The following ANKRD11 variants were observed in gnomAD, a reference collection of about 807,000 sequenced individuals.
ANKRD11 encodes ankyrin repeat domain-containing protein 11.
In ANKRD11, 17 loss-of-function variants were observed where a neutral mutation model predicts 195.7. The ratio of observed to expected loss-of-function variants is 0.09; its 90% CI spans 0.06 to 0.13. The LOEUF (loss-of-function observed/expected upper bound fraction) is 0.13, where lower values mean the gene tolerates loss of function less well. Among genes scored for constraint, ANKRD11 ranks in the 10% least tolerant of loss-of-function variants. The pLI is 1.00. For synonymous variants in ANKRD11, 1,953 were observed against 1,528.1 expected (o/e 1.28, Z -6.49); for missense variants, 3,735 against 3,566.1 (o/e 1.05, Z -1.21).
rs149420132 is a variant in ANKRD11, at chr16:89,281,553, G to A, written c.4989C>T (p.Ala1663=). 3.5e-5 allele frequency: 57 copies of A among 1,614,036 alleles called. No homozygotes were observed. Among genetic ancestry groups the A allele is most frequent in the Admixed American group, 1.7e-4 (10 of 59,994 alleles). The change falls in exon 9 of 13, where the codon GCC becomes GCT. Residue 1663 remains alanine (A), a synonymous_variant. Coordinates refer to ENST00000301030, the MANE Select transcript of ANKRD11 (RefSeq NM_013275.6). The surrounding 1 kb of genome is among the most constrained non-coding windows in gnomAD (Gnocchi z 5.5). The part of the protein sequence containing the change: ...KLKESTPIPP[A]AENKLHPASG... ...ATGCTGGGTGTAGCTTATTTTCCGC[G>A]GCAGGTGGAATAGGAGTCGACTCTT...
Position 89,280,601 on chromosome 16 carries a change from G to T in ANKRD11, c.5941C>A (p.Leu1981Met). The T allele has an allele frequency of 6.2e-7, 1 of 1,613,516 alleles. No homozygotes were observed. Among genetic ancestry groups the T allele is most frequent in the Non-Finnish European group, 8.5e-7 (1 of 1,179,940 alleles). Reference protein sequence around the residue: ...VSWPVGSDLLLKSPQRFPESP... With the variant: ...VSWPVGSDLLMKSPQRFPESP... The stretch of plus-strand genomic sequence containing the variant: ...TCGGGGAATCTCTGTGGAGACTTCA[G>T]CAGGAGGTCCGAGCCCACAGGCCAG... The change falls in exon 9 of 13, where the codon CTG becomes ATG. Residue 1981 changes from leucine (L) to methionine (M), a missense_variant. Coordinates refer to ENST00000301030, the MANE Select transcript of ANKRD11 (RefSeq NM_013275.6).
intron 1 of ANKRD11, among the ~76,000 whole-genome samples, chr16:89,422,906 C>T (rs2042572122): frequency 6.6e-6 from 1 of 152,118 alleles, no homozygotes; most frequent in Non-Finnish European, 1.5e-5. Context: ...TATCAAAGCA[C>T]ATCAATAATC....
At chr16:89,340,342 A>T (rs1322987276) in intron 2 of ANKRD11, among the ~76,000 whole-genome samples, 1 of 152,246 alleles carries the variant, frequency 6.6e-6, no homozygotes, top group East Asian at 1.9e-4. Context: ...CAGTGGCACC[A>T]TCTCGGCTCA....
At chr16:89,382,122 A>G (rs2040684829) in intron 2 of ANKRD11, among the ~76,000 whole-genome samples, 1 of 152,128 alleles carries the variant, frequency 6.6e-6, no homozygotes, top group Non-Finnish European at 1.5e-5. Context: ...GCGGCCTCCC[A>G]GCAGCTGGGC....
chr16:89,440,524 G>C (rs771739481), intron 1 of ANKRD11, among the ~76,000 whole-genome samples: 2 of 152,220 alleles, frequency 1.3e-5, no homozygotes, highest in Non-Finnish European at 2.9e-5. Flanking sequence ...GCTGAGGTGG[G>C]AGAATTGCTT....
At chr16:89,408,662 C>T (rs1346837928) in intron 2 of ANKRD11, among the ~76,000 whole-genome samples, 1 of 152,164 alleles carries the variant, frequency 6.6e-6, no homozygotes, top group Non-Finnish European at 1.5e-5. Flanking sequence ...CCTCGCACCC[C>T]CTGCCACCCT....
chr16:89,477,224 A>G (rs1229111868), intron 1 of ANKRD11, among the ~76,000 whole-genome samples: 4 of 147,290 alleles, frequency 2.7e-5, no homozygotes, highest in Non-Finnish European at 6.0e-5. Context: ...ACAGAGTCTC[A>G]CTCTGGTGCC....
At chr16:89,489,279 T>A (rs915025470) in intron 1 of ANKRD11, 1 of 151,694 alleles carries the variant, frequency 6.6e-6, no homozygotes, top group South Asian at 2.1e-4. Flanking sequence ...GCTACCGCCC[T>A]GCCAGGGGAT....
intron 1 of ANKRD11, among the ~76,000 whole-genome samples, chr16:89,425,913 C>T (rs1386027399): frequency 6.6e-6 from 1 of 152,106 alleles, no homozygotes; most frequent in East Asian, 1.9e-4. Context: ...AATGAATGTT[C>T]CCAAACAATT....
intron 1 of ANKRD11, among the ~76,000 whole-genome samples, chr16:89,484,506 T>C (rs975426005): frequency 1.3e-5 from 2 of 152,190 alleles, no homozygotes; most frequent in South Asian, 2.1e-4. Flanking sequence ...AATCTTCCCT[T>C]TACTTGGAAA....
chr16:89,324,268 C>G, intron 2 of ANKRD11: 3 of 1,240,976 alleles, frequency 2.4e-6, no homozygotes, highest in South Asian at 1.4e-5. Context: ...GTGGAACATA[C>G]AGGAGCCCCG....
intron 1 of ANKRD11, among the ~76,000 whole-genome samples, chr16:89,432,505 T>A (rs559343834): frequency 6.6e-6 from 1 of 152,176 alleles, no homozygotes; most frequent in Non-Finnish European, 1.5e-5. Flanking sequence ...TCCCTCTCCA[T>A]CTTCCTAGAA....
At chr16:89,336,781 G>T (rs1410369937) in intron 2 of ANKRD11, among the ~76,000 whole-genome samples, 1 of 152,116 alleles carries the variant, frequency 6.6e-6, no homozygotes, top group African/African-American at 2.4e-5. Flanking sequence ...TGATAAAAGG[G>T]TTTCAATACA....
At chr16:89,328,919 C>A (rs2037896304) in intron 2 of ANKRD11, 1 of 129,832 alleles carries the variant, frequency 7.7e-6, no homozygotes, top group Non-Finnish European at 1.6e-5. Flanking sequence ...TCAGTGGAGG[C>A]CCCTGCTGAG....
chr16:89,288,307 TG>T (rs2034793774), intron 7 of ANKRD11: 4 of 714,714 alleles, frequency 5.6e-6, no homozygotes, highest in African/African-American at 1.7e-5. Context: ...CTTTCATAGA[TG>T]GCACTTGCTG....
chr16:89,341,417 A>C (rs2038652586), intron 2 of ANKRD11, among the ~76,000 whole-genome samples: 1 of 152,244 alleles, frequency 6.6e-6, no homozygotes, highest in Non-Finnish European at 1.5e-5. Context: ...CCCAACGTGA[A>C]CAGACCCCAC....
chr16:89,323,984 C>T, intron 2 of ANKRD11: 1 of 219,468 alleles, frequency 4.6e-6, no homozygotes, highest in Non-Finnish European at 9.2e-6. Context: ...CCAAAATTCA[C>T]AGGTTCAAAC....
At chr16:89,332,742 C>A (rs938344048) in intron 2 of ANKRD11, among the ~76,000 whole-genome samples, 1 of 152,220 alleles carries the variant, frequency 6.6e-6, no homozygotes, top group Non-Finnish European at 1.5e-5. Context: ...GAGGAAAGTG[C>A]CCCGCTGCCC....
chr16:89,282,195 T>A lies in ANKRD11; in HGVS notation c.4347A>T (p.Gly1449=). ...CTTTTAGGATGTTGATGGCACTAGA[T>A]CCATAAGGCTTTAGTTCCTTTTCTA... ...KKIEKELKPY[G]SSAINILKEK... Residue 1449 remains glycine (G), a synonymous_variant, in exon 9 of 13, where the codon GGA becomes GGT. Coordinates refer to ENST00000301030, the MANE Select transcript of ANKRD11 (RefSeq NM_013275.6). 4.3e-6 allele frequency: 7 copies of A among 1,614,144 alleles called. No homozygotes were observed. The highest frequency in any genetic ancestry group is 5.1e-6 in the Non-Finnish European group (6 of 1,180,004).
Sources: gnomAD v4.1 joint callset for allele counts (sites outside exome capture counted in the v4.1 genomes callset) on GRCh38, gnomAD v4.1.1 for gene constraint, Gnocchi (gnomAD v3.1) non-coding constraint, MANE v1.5 for transcripts, NCBI Gene and HGNC (gene_info 2026-07-23, HGNC 2026-07-21) for gene names.